Variants in SYNRG observed in about 807,000 individuals in gnomAD.
SYNRG encodes the protein synergin gamma, also known as AP1 gamma subunit binding protein 1.
A neutral mutation model predicts 130.9 loss-of-function variants in SYNRG; 37 were observed. That is an observed-to-expected ratio of 0.28 (90% CI 0.22 to 0.37). The LOEUF (loss-of-function observed/expected upper bound fraction) is 0.37. Ranked by LOEUF, SYNRG falls within the 10% of genes least tolerant of loss-of-function variation. SYNRG has a pLI of 1.00. For missense variants in SYNRG, 1,338 were observed against 1,588.9 expected, an observed-to-expected ratio of 0.84 and a Z score of 2.68; for synonymous variants, 539 against 568.1, an observed-to-expected ratio of 0.95 and a Z score of 0.73.
intron 8 of SYNRG, 137 bp downstream of exon 8, chr17:37,576,204 T>C: frequency 1.4e-6 from 1 of 724,384 alleles, no homozygotes; most frequent in Non-Finnish European, 2.3e-6. Flanking sequence ...TTAATTTCTG[T>C]ACTCTTTCAG....
intron 9 of SYNRG, among the ~76,000 whole-genome samples, chr17:37,571,391 G>A (rs1296887420): frequency 1.3e-5 from 2 of 152,140 alleles, no homozygotes; most frequent in Non-Finnish European, 2.9e-5. Flanking sequence ...AGACTAGCCT[G>A]GCCAACATGG....
At chr17:37,520,072 T>C in intron 21 of SYNRG, 107 bp downstream of exon 21, 6 of 1,245,462 alleles carry the variant, frequency 4.8e-6, no homozygotes, top group South Asian at 1.2e-5. Context: ...CAGTGAAGGA[T>C]TCATGATTGG....
chr17:37,536,085 C>T lies in SYNRG; in HGVS notation c.3560G>A (p.Gly1187Glu). 1 of 1,613,968 alleles carries T rather than the reference C, an allele frequency of 6.2e-7. No homozygotes were observed. Residue 1187 changes from glycine (G) to glutamate (E), a missense_variant, in exon 19 of 22, where the codon GGG becomes GAG. This residue lies in a region of SYNRG where 1,146 missense variants were observed against 1,342.3 expected (regional missense o/e 0.85). Coordinates refer to ENST00000612223, the MANE Select transcript of SYNRG (RefSeq NM_007247.6). ...ACTGCACACTGCAGTGGCTTTTATCCCCAGCTCCACACGCTTGGTTACCCT... is the reference window on the plus strand; with the variant it reads ...ACTGCACACTGCAGTGGCTTTTATCTCCAGCTCCACACGCTTGGTTACCCT... ...VYRVTKRVEL[G>E]IKATAVCSEK... is the part of the protein sequence containing the mutation.
intron 13 of SYNRG, 131 bp downstream of exon 13, chr17:37,561,064 C>A: frequency 1.4e-6 from 1 of 729,686 alleles, no homozygotes; most frequent in Non-Finnish European, 2.4e-6. Flanking sequence ...TTTGTCCATT[C>A]AGTTTTTTTC....
intron 16 of SYNRG, 57 bp downstream of exon 16, chr17:37,540,323 G>T: frequency 1.3e-6 from 2 of 1,574,274 alleles, no homozygotes; most frequent in South Asian, 2.3e-5. Context: ...TTCTTTCTTG[G>T]GGCCCTGTGT....
At chr17:37,547,126 G>A (rs930327139) in intron 14 of SYNRG, among the ~76,000 whole-genome samples, 2 of 152,114 alleles carry the variant, frequency 1.3e-5, no homozygotes, top group African/African-American at 4.8e-5. Flanking sequence ...AAAATTTCTT[G>A]TTCTTCATTT....
Position 37,516,000 on chromosome 17 carries a change from T to C in SYNRG, c.*2940A>G, listed in dbSNP as rs2054398539. 6.6e-6 allele frequency: 1 copy of C among 152,146 alleles called. No homozygotes were observed. The highest frequency in any genetic ancestry group is 1.5e-5 in the Non-Finnish European group (1 of 68,026). 9.4% of individuals were successfully genotyped at this position (152,146 alleles called of 1,614,324 possible). A position where few individuals can be genotyped will look rare whatever the true frequency, so the allele number is the denominator to read the frequency against. On this transcript the variant is annotated 3_prime_UTR_variant, in exon 22 of 22. Coordinates refer to ENST00000612223, the MANE Select transcript of SYNRG (RefSeq NM_007247.6). ...TAGTAGCCACAGGAAAAATAAAGCA[T>C]GGAAAATATCCTCATATATCCAGTA...
At chr17:37,580,138 T>C (rs2061177911) in intron 6 of SYNRG, among the ~76,000 whole-genome samples, 1 of 152,128 alleles carries the variant, frequency 6.6e-6, no homozygotes. Context: ...GACAGATATA[T>C]ACCATGATGA....
At chr17:37,571,012 G>T in intron 9 of SYNRG, 127 bp from the exon 10 acceptor site, 1 of 1,268,280 alleles carries the variant, frequency 7.9e-7, no homozygotes, top group Non-Finnish European at 1.1e-6. Flanking sequence ...CAAAACTCAT[G>T]AATTTGATTT....
chr17:37,551,766 G>A (rs2058721792), intron 14 of SYNRG, among the ~76,000 whole-genome samples: 1 of 149,952 alleles, frequency 6.7e-6, no homozygotes, highest in Non-Finnish European at 1.5e-5. Context: ...GCAACCAACT[G>A]CTGTGGTTCA....
intron 20 of SYNRG, 23 bp from the exon 21 acceptor site, chr17:37,520,237 G>A (rs374849257): frequency 2.5e-6 from 4 of 1,613,972 alleles, no homozygotes; most frequent in Admixed American, 1.7e-5. Context: ...TGAAACCACA[G>A]GTCAACAACA....
At chr17:37,569,001 A>C in intron 10 of SYNRG, 77 bp from the exon 11 acceptor site, 2 of 1,488,820 alleles carry the variant, frequency 1.3e-6, no homozygotes, top group South Asian at 1.3e-5. Flanking sequence ...AGTCAATCTC[A>C]AAGACTGCCT....
chr17:37,561,073 T>C, intron 13 of SYNRG, 122 bp downstream of exon 13: 1 of 795,844 alleles, frequency 1.3e-6, no homozygotes, highest in Non-Finnish European at 2.1e-6. Context: ...TCAGTTTTTT[T>C]CTCCTAAACA....
chr17:37,520,744 A>C, intron 19 of SYNRG, 96 bp from the exon 20 acceptor site: 1 of 945,372 alleles, frequency 1.1e-6, no homozygotes, highest in Non-Finnish European at 1.7e-6. Context: ...GCCTAGCGGC[A>C]AGTACAGTAC....
rs2054518631 is a variant in SYNRG, at chr17:37,517,500, C to A, written c.*1440G>T. 1 of 151,786 alleles carries A rather than the reference C, an allele frequency of 6.6e-6. No homozygotes were observed. Among genetic ancestry groups the A allele is most frequent in the Non-Finnish European group, 1.5e-5 (1 of 67,998 alleles). The allele number at this position is 151,786 out of a possible 1,614,324, so 9.4% of individuals were successfully genotyped here. A position where few individuals can be genotyped will look rare whatever the true frequency, so the allele number is the denominator to read the frequency against. On this transcript the variant is annotated 3_prime_UTR_variant, in exon 22 of 22. Coordinates refer to ENST00000612223, the MANE Select transcript of SYNRG (RefSeq NM_007247.6). ...CTCGGTGCCTCTCTGTGCATTCGGG[C>A]ACGCAGAAGGTCAAGCAGAAGCCTC...
intron 19 of SYNRG, among the ~76,000 whole-genome samples, chr17:37,534,075 C>T (rs2056955184): frequency 6.6e-6 from 1 of 150,622 alleles, no homozygotes; most frequent in Non-Finnish European, 1.5e-5. Flanking sequence ...GTGGGGATTA[C>T]AGGCACCCGC....
chr17:37,577,625 G>A lies in SYNRG; in HGVS notation c.590-12C>T. On this transcript the variant is annotated splice_polypyrimidine_tract_variant and intron_variant, in intron 6 of 21. Coordinates refer to ENST00000612223, the MANE Select transcript of SYNRG (RefSeq NM_007247.6). ...CTCCAAGGAAGGGCCTAAACAAAGA[G>A]CATGAAGGATTATTTGTATATAACT... 1.3e-6 allele frequency: 2 copies of A among 1,594,156 alleles called. No individual in the cohort carries two copies. Among genetic ancestry groups the A allele is most frequent in the Non-Finnish European group, 1.7e-6 (2 of 1,163,192 alleles).
At chr17:37,520,133 C>G in intron 21 of SYNRG, 46 bp downstream of exon 21, 1 of 1,611,552 alleles carries the variant, frequency 6.2e-7, no homozygotes. Flanking sequence ...CCTCCACACT[C>G]AAAATTAAAA....
intron 13 of SYNRG, 78 bp downstream of exon 13, chr17:37,561,117 C>T (rs1462815371): frequency 6.7e-6 from 8 of 1,199,824 alleles, no homozygotes; most frequent in Non-Finnish European, 9.8e-6. Flanking sequence ...AAAGGGAATG[C>T]CACTGAAAGA....
Sources: gnomAD v4.1 joint callset for allele counts (sites outside exome capture counted in the v4.1 genomes callset) on GRCh38, gnomAD v4.1.1 for gene constraint, gnomAD v4.1.1 regional missense constraint, MANE v1.5 for transcripts, NCBI Gene and HGNC (gene_info 2026-07-23, HGNC 2026-07-21) for gene names.